The following TRPM3 variants were observed in gnomAD, a reference collection of about 807,000 sequenced individuals.
TRPM3 encodes the protein transient receptor potential cation channel subfamily M member 3.
A neutral mutation model predicts 181.2 loss-of-function variants in TRPM3; 77 were observed. That is an observed-to-expected ratio of 0.42 (90% CI 0.35 to 0.51). TRPM3 has a LOEUF of 0.51. Ranked by LOEUF, TRPM3 falls within the 20% of genes least tolerant of loss-of-function variation. TRPM3 has a pLI of 0.01. For synonymous variants in TRPM3, 745 were observed against 796.4 expected, an observed-to-expected ratio of 0.94 and a Z score of 1.09; for missense variants, 1,759 against 2,196.7, an observed-to-expected ratio of 0.80 and a Z score of 3.98.
intron 1 of TRPM3, among the ~76,000 whole-genome samples, chr9:71,414,569 G>A (rs1186469352): frequency 6.6e-6 from 1 of 152,090 alleles, no homozygotes; most frequent in East Asian, 1.9e-4. Context: ...AATGTAACAT[G>A]TAATAGACAC....
intron 18 of TRPM3, 48 bp downstream of exon 18, chr9:70,615,860 G>T: frequency 6.5e-7 from 1 of 1,544,526 alleles, no homozygotes; most frequent in Non-Finnish European, 8.7e-7. Flanking sequence ...TGGGACAAGT[G>T]GATTAGGAAT....
chr9:71,016,393 G>A (rs1487185531), intron 1 of TRPM3, among the ~76,000 whole-genome samples: 2 of 151,874 alleles, frequency 1.3e-5, no homozygotes, highest in Non-Finnish European at 2.9e-5. Context: ...ATCTCCCTAA[G>A]TAAAATCATG....
chr9:70,575,108 A>AAT (rs2053583564), intron 22 of TRPM3, among the ~76,000 whole-genome samples: 1 of 86,654 alleles, frequency 1.2e-5, no homozygotes, highest in Non-Finnish European at 2.7e-5. Flanking sequence ...CATCCCGCAT[A>AAT]ATTTTTTTTT....
rs955031150 is a variant in TRPM3, at chr9:71,333,027, T to C, written c.183+113626A>G. On this transcript the variant is annotated intron_variant, in intron 1 of 24. Coordinates refer to the TRPM3 transcript ENST00000357533. ...TCAATCTGGTCTCTTTCAAGTATAA[T>C]ACTTGGACTCCACGTGGTTATTTTG... Among the ~76,000 whole-genome samples the C allele has an allele frequency of 7.2e-5, 11 of 151,944 alleles. 1 individual carries two copies. The highest frequency in any genetic ancestry group is 1.5e-4 in the African/African-American group (6 of 41,358).
chr9:70,885,524 G>A (rs925164235), intron 1 of TRPM3, among the ~76,000 whole-genome samples: 1 of 152,120 alleles, frequency 6.6e-6, no homozygotes, highest in Non-Finnish European at 1.5e-5. Context: ...TTTCTGGCTT[G>A]TCTATTATTA....
intron 1 of TRPM3, among the ~76,000 whole-genome samples, chr9:70,929,557 T>C (rs193013281): frequency 1.0e-3 from 156 of 152,290 alleles, no homozygotes; most frequent in Middle Eastern, 3.4e-3. Flanking sequence ...GCCACATGAA[T>C]TGTGTTTTCC....
At chr9:70,917,291 A>G in intron 1 of TRPM3, 1 of 1,383,796 alleles carries the variant, frequency 7.2e-7, no homozygotes, top group Non-Finnish European at 1.0e-6. Context: ...TAGGAAGCGA[A>G]AGTGGTATAT....
At chr9:71,057,157 T>C (rs543325989) in intron 1 of TRPM3, among the ~76,000 whole-genome samples, 1 of 152,186 alleles carries the variant, frequency 6.6e-6, no homozygotes, top group Non-Finnish European at 1.5e-5. Context: ...CCTTTCTTAC[T>C]GCTTTTCCAC....
intron 1 of TRPM3, among the ~76,000 whole-genome samples, chr9:71,395,776 C>A (rs1207159672): frequency 6.6e-6 from 1 of 152,140 alleles, no homozygotes; most frequent in Non-Finnish European, 1.5e-5. Context: ...AGCTTCATAT[C>A]AAAGAAAATG....
chr9:71,152,363 G>A (rs1281346293), intron 1 of TRPM3, among the ~76,000 whole-genome samples: 2 of 152,082 alleles, frequency 1.3e-5, no homozygotes, highest in African/African-American at 4.8e-5. Context: ...CTTGACAAAT[G>A]TCCTTATAAT....
At chr9:71,101,017 A>G (rs1565196720) in intron 1 of TRPM3, among the ~76,000 whole-genome samples, 1 of 151,942 alleles carries the variant, frequency 6.6e-6, no homozygotes. Context: ...GCTTTTTCTC[A>G]TGTATCTAAA....
intron 1 of TRPM3, among the ~76,000 whole-genome samples, chr9:71,357,990 C>G (rs1277629418): frequency 6.6e-6 from 1 of 152,030 alleles, no homozygotes; most frequent in Non-Finnish European, 1.5e-5. Context: ...GCAACAAGGG[C>G]CTTGGGGAGT....
At chr9:71,161,995 A>G (rs2076292786) in intron 1 of TRPM3, among the ~76,000 whole-genome samples, 2 of 152,004 alleles carry the variant, frequency 1.3e-5, no homozygotes, top group African/African-American at 4.8e-5. Context: ...TGAGGTCATG[A>G]GTTCGAGACC....
chr9:71,028,720 T>C (rs1018896735), intron 1 of TRPM3, among the ~76,000 whole-genome samples: 17 of 151,800 alleles, frequency 1.1e-4, no homozygotes, highest in African/African-American at 3.9e-4. Context: ...AAAAGGGCAT[T>C]CCATAAGGGT....
chr9:71,129,862 C>T (rs531695049), intron 1 of TRPM3, among the ~76,000 whole-genome samples: 18 of 152,168 alleles, frequency 1.2e-4, no homozygotes, highest in East Asian at 3.9e-4. Flanking sequence ...TTTATTTGCA[C>T]GGCTGACTTC....
chr9:70,551,415 C>T (rs2046420764), intron 24 of TRPM3, among the ~76,000 whole-genome samples: 3 of 152,206 alleles, frequency 2.0e-5, no homozygotes, highest in African/African-American at 7.2e-5. Context: ...GCAATGCTTT[C>T]GTTGCTACCA....
chr9:70,541,796 C>T (rs2043440367), intron 25 of TRPM3, among the ~76,000 whole-genome samples: 1 of 152,194 alleles, frequency 6.6e-6, no homozygotes, highest in Admixed American at 6.5e-5. Context: ...CAGGCATGAG[C>T]CACTGCACCT....
intron 1 of TRPM3, among the ~76,000 whole-genome samples, chr9:71,057,199 C>A (rs958925364): frequency 2.6e-5 from 4 of 152,070 alleles, no homozygotes; most frequent in South Asian, 2.1e-4. Context: ...CATTTTTTCC[C>A]TTTCCTCTGA....
chr9:70,600,891 A>AT (rs2059793914), intron 20 of TRPM3, among the ~76,000 whole-genome samples: 1 of 152,174 alleles, frequency 6.6e-6, no homozygotes, highest in African/African-American at 2.4e-5. Context: ...ATAGTGAAGC[A>AT]TTTTTTGGTA....
Sources: allele counts gnomAD v4.1 joint callset (sites outside exome capture counted in the v4.1 genomes callset), GRCh38; gene constraint gnomAD v4.1.1; transcripts MANE v1.5; gene names NCBI Gene and HGNC (gene_info 2026-07-23, HGNC 2026-07-21).